BCAS1: variants seen among roughly 807,000 people sequenced by gnomAD.
The protein encoded by BCAS1 is breast carcinoma-amplified sequence 1.
BCAS1 carries 46 observed loss-of-function variants against 65.4 expected under a neutral mutation model. The observed-to-expected ratio is 0.70, with a 90% CI of 0.55 to 0.90. The LOEUF is 0.90. BCAS1 is among the 40% of genes least tolerant of loss of function. BCAS1 has a pLI of 0.00. For missense variants in BCAS1, 793 were observed against 771.2 expected (o/e 1.03, Z -0.33); for synonymous variants, 298 against 293.5 (o/e 1.02, Z -0.16).
chr20:53,965,637 T>C (rs754899685), intron 10 of BCAS1, among the ~76,000 whole-genome samples: 3 of 152,206 alleles, frequency 2.0e-5, no homozygotes, highest in Non-Finnish European at 2.9e-5. Context: ...TATTTCACTA[T>C]TGGAATATTA....
chr20:54,020,883 T>C (rs2091542049), intron 4 of BCAS1, among the ~76,000 whole-genome samples: 1 of 152,232 alleles, frequency 6.6e-6, no homozygotes. Context: ...CATGAATTCT[T>C]TGTTTCATGT....
At position 54,040,186 on chromosome 20, in the gene BCAS1, C is replaced by T. The variant is rs74411307; in HGVS notation, c.143-11214G>A. 1.4e-3 allele frequency among the ~76,000 whole-genome samples: 210 copies of T among 151,448 alleles called. 4 individuals carry two copies. In the East Asian group the frequency reaches 0.015, roughly 11 times the overall value. Reference sequence around the variant, plus strand: ...GCTATATTTCTATAGAATAGAGGCACAGATGTAGAAGTGTTACCCTCAAAT... The same window carrying T: ...GCTATATTTCTATAGAATAGAGGCATAGATGTAGAAGTGTTACCCTCAAAT... On this transcript the variant is annotated intron_variant, in intron 3 of 12. Coordinates refer to ENST00000688948, the MANE Select transcript of BCAS1 (RefSeq NM_001366298.2).
At chr20:53,955,037 T>C (rs1039038648) in intron 11 of BCAS1, among the ~76,000 whole-genome samples, 3 of 152,258 alleles carry the variant, frequency 2.0e-5, no homozygotes, top group African/African-American at 7.2e-5. Flanking sequence ...ACCCACCGGA[T>C]ACATGTGTAT....
intron 1 of BCAS1, 137 bp from the exon 2 acceptor site, chr20:54,058,860 A>G (rs2092339736): frequency 1.1e-6 from 1 of 933,478 alleles, no homozygotes. Flanking sequence ...AATTGCTTGT[A>G]TTAGTCCGTT....
At chr20:53,992,484 T>A in intron 7 of BCAS1, 28 bp downstream of exon 7, 2 of 1,363,294 alleles carry the variant, frequency 1.5e-6, no homozygotes. Context: ...AGTTCTTGTT[T>A]TTCCTCCTAC....
At chr20:53,949,848 G>A (rs1002321938) in intron 12 of BCAS1, among the ~76,000 whole-genome samples, 72 of 152,298 alleles carry the variant, frequency 4.7e-4, no homozygotes, top group African/African-American at 1.6e-3. Flanking sequence ...CTAAAGAGAT[G>A]AGGTCTGTAA....
At chr20:53,980,811 T>G (rs1430867372) in intron 8 of BCAS1, among the ~76,000 whole-genome samples, 1 of 152,222 alleles carries the variant, frequency 6.6e-6, no homozygotes, top group East Asian at 1.9e-4. Flanking sequence ...AACTTCTCCC[T>G]TCTTTCTGTA....
chr20:53,949,461 C>T (rs1362432118), intron 12 of BCAS1, among the ~76,000 whole-genome samples: 3 of 152,166 alleles, frequency 2.0e-5, no homozygotes, highest in East Asian at 3.9e-4. Context: ...ATGCAGGGAT[C>T]GGCCTGCGGT....
intron 8 of BCAS1, among the ~76,000 whole-genome samples, chr20:53,984,980 T>C (rs1241326040): frequency 1.3e-5 from 2 of 152,094 alleles, no homozygotes; most frequent in African/African-American, 4.8e-5. Flanking sequence ...TTTAAACCAT[T>C]TCAGAAGGAA....
chr20:54,061,481 C>T (rs1176704779), intron 1 of BCAS1, among the ~76,000 whole-genome samples: 1 of 152,190 alleles, frequency 6.6e-6, no homozygotes, highest in African/African-American at 2.4e-5. Flanking sequence ...TCTAGTGGCT[C>T]TCGGAATAAA....
intron 4 of BCAS1, among the ~76,000 whole-genome samples, chr20:54,018,721 A>G (rs1208486139): frequency 6.6e-6 from 1 of 152,206 alleles, no homozygotes; most frequent in East Asian, 1.9e-4. Context: ...AGTAGCTTCA[A>G]ATTCTGATAA....
intron 12 of BCAS1, among the ~76,000 whole-genome samples, chr20:53,951,087 C>T (rs962036849): frequency 6.6e-6 from 1 of 152,176 alleles, no homozygotes; most frequent in Non-Finnish European, 1.5e-5. Flanking sequence ...ATTGTAGAGG[C>T]TGGCTTCTAT....
At chr20:54,025,682 C>T (rs954058323) in intron 4 of BCAS1, among the ~76,000 whole-genome samples, 1 of 151,978 alleles carries the variant, frequency 6.6e-6, no homozygotes, top group Non-Finnish European at 1.5e-5. Context: ...GCAGTAGATG[C>T]GGCTGAGCCC....
At chr20:53,945,235 GTTTC>G (rs142530851) in intron 12 of BCAS1, among the ~76,000 whole-genome samples, 74 of 152,166 alleles carry the variant, frequency 4.9e-4, no homozygotes, top group African/African-American at 1.7e-3. Flanking sequence ...TTGCGCTTTG[GTTTC>G]TTTATCTTTA....
rs570190908 is a variant in BCAS1, at chr20:54,018,018, C to T, written c.723+10374G>A. On this transcript the variant is annotated intron_variant, in intron 4 of 12. Coordinates refer to ENST00000688948, the MANE Select transcript of BCAS1 (RefSeq NM_001366298.2). ...CTATTTAACAAACACTTCCCCAAAG[C>T]GAGAAAACAGTTTTGAATGCTGCCA... is the stretch of plus-strand genomic sequence containing the variant. Among the ~76,000 whole-genome samples, 52 of 152,306 alleles carry T rather than the reference C, an allele frequency of 3.4e-4. 1 individual carries two copies. In the South Asian group the frequency reaches 0.01, roughly 30 times the overall value.
intron 6 of BCAS1, among the ~76,000 whole-genome samples, chr20:53,994,665 G>C (rs1391170501): frequency 6.6e-6 from 1 of 151,814 alleles, no homozygotes; most frequent in African/African-American, 2.4e-5. Flanking sequence ...TATATTCCCT[G>C]GGTCCCTCTA....
At chr20:54,069,958 G>A (rs571939671) in intron 1 of BCAS1, among the ~76,000 whole-genome samples, 13 of 152,308 alleles carry the variant, frequency 8.5e-5, no homozygotes, top group African/African-American at 2.4e-4. Context: ...GGTCTTGAGC[G>A]TTAAATAAGA....
In BCAS1 at chr20:54,028,853, C is replaced by A. The variant is rs180883984; in HGVS notation, c.262G>T (p.Ala88Ser). 6.2e-7 allele frequency: 1 copy of A among 1,613,998 alleles called. No homozygotes were observed. The highest frequency in any genetic ancestry group is 2.2e-5 in the East Asian group (1 of 44,864). Residue 88 changes from alanine (A) to serine (S), a missense_variant, in exon 4 of 13, where the codon GCA becomes TCA. Physicochemically the swap from Ala to Ser is moderately conservative, Grantham distance 99 (BLOSUM62 1). Transcript: ENST00000688948. ...AAAAAACGAGATTTAGCAGCTGGTGCCTCGGGTTTGGCCTCTTTCCCAAGA... is the reference window on the plus strand; with the variant it reads ...AAAAAACGAGATTTAGCAGCTGGTGACTCGGGTTTGGCCTCTTTCCCAAGA... ...KNLGKEAKPE[A>S]PAAKSRFFLM... is the part of the protein sequence containing the mutation.
chr20:53,959,434 A>G (rs1189622723), intron 10 of BCAS1, among the ~76,000 whole-genome samples: 1 of 152,062 alleles, frequency 6.6e-6, no homozygotes, highest in Non-Finnish European at 1.5e-5. Flanking sequence ...TTGTATTTTT[A>G]GTAGAGACAG....
Sources: allele counts gnomAD v4.1 joint callset (sites outside exome capture counted in the v4.1 genomes callset), GRCh38; gene constraint gnomAD v4.1.1; transcripts MANE v1.5; gene names NCBI Gene and HGNC (gene_info 2026-07-23, HGNC 2026-07-21).